SHROOM3: variants seen among roughly 807,000 people sequenced by gnomAD.
The protein encoded by SHROOM3 is protein Shroom3.
In SHROOM3, 47 loss-of-function variants were observed where a neutral mutation model predicts 138.6. The ratio of observed to expected loss-of-function variants is 0.34; its 90% CI spans 0.27 to 0.43. SHROOM3 has a LOEUF of 0.43. SHROOM3 is among the 20% of genes least tolerant of loss of function. SHROOM3 has a pLI of 1.00. For synonymous variants in SHROOM3, 1,062 were observed against 1,063.3 expected (o/e 1.00, Z 0.02); for missense variants, 2,491 against 2,596.5 (o/e 0.96, Z 0.88).
rs1014330382 is a variant in SHROOM3 at position 76,708,546 on chromosome 4, T to C, written c.324-1610T>C. Among the ~76,000 whole-genome samples the C allele has an allele frequency of 4.0e-5, 6 of 151,286 alleles. No individual in the cohort carries two copies. In the South Asian group the frequency reaches 1.2e-3, roughly 31 times the overall value. ...AGGGGTCCTGAAAAGGAAAAGTCCC[T>C]CCCCTGGTTATACCAATGGGTGGTC... On this transcript the variant is annotated intron_variant, in intron 2 of 10. Transcript: ENST00000296043.
chr4:76,723,470 T>A (rs1720609937), intron 3 of SHROOM3, among the ~76,000 whole-genome samples: 2 of 152,250 alleles, frequency 1.3e-5, no homozygotes, highest in African/African-American at 4.8e-5. Flanking sequence ...CACTTGCTCA[T>A]AGAGGCTGTC....
At chr4:76,742,152 CTCTA>C (rs3830364) in intron 5 of SHROOM3, 82,687 of 626,508 alleles carry the variant, frequency 0.13, 6,535 homozygotes, top group East Asian at 0.22. Context: ...TATACAGATT[CTCTA>C]TCTATCTGTC....
intron 1 of SHROOM3, among the ~76,000 whole-genome samples, chr4:76,541,974 G>A (rs2110021246): frequency 6.6e-6 from 1 of 152,250 alleles, no homozygotes; most frequent in South Asian, 2.1e-4. Flanking sequence ...CCCTCCATAA[G>A]GAGCAGATGT....
At chr4:76,487,075 C>T (rs1731747390) in intron 1 of SHROOM3, among the ~76,000 whole-genome samples, 1 of 152,222 alleles carries the variant, frequency 6.6e-6, no homozygotes, top group East Asian at 1.9e-4. Context: ...ACCTCATGCC[C>T]ATTAACAGTC....
chr4:76,587,723 G>T (rs1195822941), intron 2 of SHROOM3, among the ~76,000 whole-genome samples: 2 of 152,070 alleles, frequency 1.3e-5, no homozygotes, highest in African/African-American at 4.8e-5. Flanking sequence ...ACCAGAAATG[G>T]CATTACCCAT....
Position 76,709,952 on chromosome 4 carries a change from G to C in SHROOM3, c.324-204G>C, listed in dbSNP as rs377152564. 80 of 565,314 alleles carry C rather than the reference G, an allele frequency of 1.4e-4. No homozygotes were observed. The South Asian group carries it at 1.6e-3, about 11-fold the overall frequency. The allele number at this position is 565,314 out of a possible 1,614,324, so 35.0% of individuals were successfully genotyped here. On this transcript the variant is annotated intron_variant, in intron 2 of 10. Coordinates refer to ENST00000296043, the MANE Select transcript of SHROOM3 (RefSeq NM_020859.4). ...CTTCAGAGGAACATGGATAAAAAAG[G>C]AAGACACGACACTCAGTAGTGGATT... is the stretch of plus-strand genomic sequence containing the variant.
At chr4:76,447,775 G>A (rs1730844073) in intron 1 of SHROOM3, among the ~76,000 whole-genome samples, 1 of 152,322 alleles carries the variant, frequency 6.6e-6, no homozygotes, top group African/African-American at 2.4e-5. Flanking sequence ...ATTCATAGTT[G>A]CATGGTGTTG....
At chr4:76,641,225 T>C (rs1188723946) in intron 2 of SHROOM3, among the ~76,000 whole-genome samples, 1 of 152,228 alleles carries the variant, frequency 6.6e-6, no homozygotes, top group Non-Finnish European at 1.5e-5. Context: ...CTTTGTAACT[T>C]GAGTGCCTAT....
intron 2 of SHROOM3, among the ~76,000 whole-genome samples, chr4:76,571,061 T>C (rs924126056): frequency 6.6e-6 from 1 of 152,260 alleles, no homozygotes; most frequent in Non-Finnish European, 1.5e-5. Flanking sequence ...TAGCCTGCTA[T>C]CTTTAAATAA....
chr4:76,450,833 T>C (rs1560510112), intron 1 of SHROOM3, among the ~76,000 whole-genome samples: 1 of 152,038 alleles, frequency 6.6e-6, no homozygotes, highest in Non-Finnish European at 1.5e-5. Flanking sequence ...TAAAAATCAA[T>C]GAATCATAAA....
intron 1 of SHROOM3, among the ~76,000 whole-genome samples, chr4:76,550,671 A>T (rs1436253925): frequency 6.6e-6 from 1 of 152,144 alleles, no homozygotes; most frequent in African/African-American, 2.4e-5. Flanking sequence ...GTAGGGGCCC[A>T]TGAAATGTTT....
At chr4:76,586,356 C>CCCAAGCCA (rs1734155603) in intron 2 of SHROOM3, 1 of 985,664 alleles carries the variant, frequency 1.0e-6, no homozygotes. Flanking sequence ...GGCCACCTCC[C>CCCAAGCCA]CCAAGCCACC....
chr4:76,490,320 G>T (rs367948600), intron 1 of SHROOM3, among the ~76,000 whole-genome samples: 1 of 152,286 alleles, frequency 6.6e-6, no homozygotes, highest in South Asian at 2.1e-4. Context: ...AGACTTGACC[G>T]GCAATCAGTC....
At chr4:76,523,934 T>A (rs1732625589) in intron 1 of SHROOM3, among the ~76,000 whole-genome samples, 1 of 152,136 alleles carries the variant, frequency 6.6e-6, no homozygotes, top group Admixed American at 6.5e-5. Flanking sequence ...CGCTGCACCA[T>A]GAAGACTGGG....
chr4:76,581,389 A>T (rs1734050553), intron 2 of SHROOM3, among the ~76,000 whole-genome samples: 1 of 152,214 alleles, frequency 6.6e-6, no homozygotes, highest in South Asian at 2.1e-4. Context: ...CTCATCTGTA[A>T]TTCCAGTCAT....
chr4:76,549,246 G>A (rs556154740), intron 1 of SHROOM3, among the ~76,000 whole-genome samples: 1 of 152,206 alleles, frequency 6.6e-6, no homozygotes, highest in African/African-American at 2.4e-5. Context: ...AATCAAATGT[G>A]TTGTTACCAG....
At chr4:76,608,151 A>G (rs914127901) in intron 2 of SHROOM3, among the ~76,000 whole-genome samples, 1 of 152,164 alleles carries the variant, frequency 6.6e-6, no homozygotes, top group African/African-American at 2.4e-5. Flanking sequence ...GACTGAATAG[A>G]GCTGCTATTG....
intron 2 of SHROOM3, among the ~76,000 whole-genome samples, chr4:76,624,551 G>A (rs1309310420): frequency 6.6e-6 from 1 of 152,094 alleles, no homozygotes; most frequent in Non-Finnish European, 1.5e-5. Context: ...GGGTGGGTGA[G>A]GGGCATGAGA....
chr4:76,530,120 AT>A (rs1394123263), intron 1 of SHROOM3, among the ~76,000 whole-genome samples: 1 of 152,174 alleles, frequency 6.6e-6, no homozygotes, highest in East Asian at 1.9e-4. Context: ...AGAGATTCTC[AT>A]TTTTAACATT....
Sources: allele counts gnomAD v4.1 joint callset (sites outside exome capture counted in the v4.1 genomes callset), GRCh38; gene constraint gnomAD v4.1.1; transcripts MANE v1.5; gene names NCBI Gene and HGNC (gene_info 2026-07-23, HGNC 2026-07-21).